The following TNS1 variants were observed in gnomAD, a reference collection of about 807,000 sequenced individuals.
TNS1 encodes the protein tensin 1.
A neutral mutation model predicts 168.6 loss-of-function variants in TNS1; 62 were observed. That is an observed-to-expected ratio of 0.37 (90% CI 0.30 to 0.45). The LOEUF (loss-of-function observed/expected upper bound fraction) is 0.45, where lower values mean the gene tolerates loss of function less well. TNS1 is among the 20% of genes least tolerant of loss of function. The pLI, the probability that TNS1 is intolerant of heterozygous loss-of-function variation, is 1.00. For missense variants in TNS1, 2,240 were observed against 2,339.4 expected, an observed-to-expected ratio of 0.96 and a Z score of 0.88; for synonymous variants, 934 against 933.2, an observed-to-expected ratio of 1.00 and a Z score of -0.02.
At chr2:217,861,710 T>C (rs1175044515) in intron 18 of TNS1, among the ~76,000 whole-genome samples, 6 of 152,250 alleles carry the variant, frequency 3.9e-5, no homozygotes, top group Non-Finnish European at 7.3e-5. Flanking sequence ...TACTAGTCAT[T>C]GTATCTCAGT....
chr2:217,887,000 G>C (rs370114549), intron 12 of TNS1, among the ~76,000 whole-genome samples: 2 of 152,084 alleles, frequency 1.3e-5, no homozygotes, highest in Non-Finnish European at 2.9e-5. Context: ...ATCCCTGACA[G>C]GCATCATTTA....
At chr2:217,924,467 A>G (rs999143886) in intron 3 of TNS1, among the ~76,000 whole-genome samples, 1 of 152,236 alleles carries the variant, frequency 6.6e-6, no homozygotes, top group East Asian at 1.9e-4. Flanking sequence ...TCATGAGGGC[A>G]GGAAGCACAT....
intron 1 of TNS1, among the ~76,000 whole-genome samples, chr2:218,015,891 G>A (rs368930432): frequency 6.6e-6 from 1 of 152,202 alleles, no homozygotes; most frequent in Non-Finnish European, 1.5e-5. Context: ...TTCCTTGCAG[G>A]GCCCAGCATG....
Position 217,848,318 on chromosome 2 carries a change from GTGGGAGGTGGTCAC to G in TNS1, c.2185_2198del (p.Val729LeufsTer4). 6.5e-7 allele frequency: 1 copy of G among 1,536,936 alleles called. No individual in the cohort carries two copies. Among genetic ancestry groups the G allele is most frequent in the Non-Finnish European group, 8.8e-7 (1 of 1,140,642 alleles). On this transcript the variant is annotated frameshift_variant, in exon 19 of 33. Transcript: ENST00000682258. LOFTEE classifies it high-confidence loss of function. ...ACATACCGCTGGGGTCATGGGCATAGTGGGAGGTGGTCACTGGCTGTGGCCAGGCTGGGTGGGGC... is the reference window on the plus strand; with the variant it reads ...ACATACCGCTGGGGTCATGGGCATAGTGGCTGTGGCCAGGCTGGGTGGGGC...
intron 18 of TNS1, chr2:217,850,519 G>A (rs1482361346): frequency 3.4e-5 from 33 of 984,194 alleles, no homozygotes; most frequent in African/African-American, 2.1e-4. Context: ...GAACTTCCCC[G>A]CCCAGAGGAA....
intron 18 of TNS1, among the ~76,000 whole-genome samples, chr2:217,877,676 G>A (rs1950311191): frequency 6.6e-6 from 1 of 151,854 alleles, no homozygotes; most frequent in Non-Finnish European, 1.5e-5. Flanking sequence ...GAGCTGGGTT[G>A]GGGGGCTGCA....
chr2:217,855,738 C>A (rs1398027610), intron 18 of TNS1, among the ~76,000 whole-genome samples: 1 of 152,070 alleles, frequency 6.6e-6, no homozygotes, highest in African/African-American at 2.4e-5. Context: ...ACCGAGTAGC[C>A]GAGAAAGCTT....
intron 18 of TNS1, chr2:217,850,305 A>G (rs1366371896): frequency 3.0e-6 from 3 of 985,208 alleles, no homozygotes; most frequent in East Asian, 2.3e-4. Context: ...GGGGGCATAT[A>G]GGGTGCTGAT....
intron 32 of TNS1, among the ~76,000 whole-genome samples, chr2:217,805,484 CCACACACA>C (rs758554993): frequency 5.4e-5 from 2 of 36,758 alleles, no homozygotes; most frequent in East Asian, 5.2e-4. Flanking sequence ...ACCACACACA[CCACACACA>C]CACCACACAC....
intron 3 of TNS1, among the ~76,000 whole-genome samples, chr2:217,923,567 G>A (rs1163136034): frequency 6.6e-6 from 1 of 152,186 alleles, no homozygotes; most frequent in African/African-American, 2.4e-5. Flanking sequence ...CTGGAGACAT[G>A]CTCTTGTCCT....
intron 1 of TNS1, among the ~76,000 whole-genome samples, chr2:218,022,511 C>T (rs1958814552): frequency 6.6e-6 from 1 of 152,178 alleles, no homozygotes; most frequent in South Asian, 2.1e-4. Flanking sequence ...TACACACACA[C>T]AGGCACACAC....
At chr2:217,974,400 GCCT>G (rs1252256704) in intron 3 of TNS1, among the ~76,000 whole-genome samples, 2 of 152,114 alleles carry the variant, frequency 1.3e-5, no homozygotes, top group Non-Finnish European at 2.9e-5. Context: ...CATCCCCTCA[GCCT>G]CTCCCCAGAA....
rs1367412257 is a variant in TNS1 at position 217,801,628 on chromosome 2, A to G, written c.*2831T>C. ...AGAAGAAGATAAACATTTACAAAAT[A>G]ATAATTAGTAAAAGTGCTTGCTTTT... On this transcript the variant is annotated 3_prime_UTR_variant, in exon 33 of 33. Transcript: ENST00000682258. 1 of 152,294 alleles carries G rather than the reference A, an allele frequency of 6.6e-6. No individual in the cohort carries two copies. Among genetic ancestry groups the G allele is most frequent in the Non-Finnish European group, 1.5e-5 (1 of 68,064 alleles). 9.4% of individuals were successfully genotyped at this position (152,294 alleles called of 1,614,324 possible).
intron 3 of TNS1, among the ~76,000 whole-genome samples, chr2:217,975,131 G>A (rs1957862792): frequency 6.6e-6 from 1 of 152,118 alleles, no homozygotes; most frequent in African/African-American, 2.4e-5. Flanking sequence ...GGTCCGTGTG[G>A]TGAGAAACTG....
At chr2:217,929,122 C>T (rs1298028307) in intron 3 of TNS1, among the ~76,000 whole-genome samples, 15 of 152,124 alleles carry the variant, frequency 9.9e-5, no homozygotes, top group Non-Finnish European at 1.5e-5. Flanking sequence ...GCTGTGGGAC[C>T]ATGGGCCTCC....
At chr2:217,885,264 T>C in intron 15 of TNS1, 100 bp from the exon 16 acceptor site, 1 of 1,536,348 alleles carries the variant, frequency 6.5e-7, no homozygotes. Context: ...CCCCCAAGGC[T>C]CACCCCAAAC....
rs1937846354 is a variant in TNS1, at chr2:217,803,695, C to A, written c.*764G>T. The A allele has an allele frequency of 6.5e-6, 1 of 152,700 alleles. No homozygotes were observed. The highest frequency in any genetic ancestry group is 1.5e-5 in the Non-Finnish European group (1 of 68,094). 9.5% of individuals were successfully genotyped at this position (152,700 alleles called of 1,614,324 possible). On this transcript the variant is annotated 3_prime_UTR_variant, in exon 33 of 33. Transcript: ENST00000682258. ...TGCAGGTGCAGGCACCAGGAGAGAG[C>A]CTCTGTCACCCATAGCTTGGTTGTT...
intron 18 of TNS1, among the ~76,000 whole-genome samples, chr2:217,853,149 C>T (rs1041652117): frequency 2.2e-4 from 33 of 152,068 alleles, no homozygotes; most frequent in African/African-American, 7.0e-4. Flanking sequence ...ACCGGGACCA[C>T]AAGAAGCCGG....
At chr2:218,006,376 C>T (rs954137781), upstream of TNS1, among the ~76,000 whole-genome samples, 2 of 152,200 alleles carry the variant, frequency 1.3e-5, no homozygotes, top group African/African-American at 4.8e-5. Flanking sequence ...TGCGATGACA[C>T]GAGTTTCCCA....
Sources: allele counts gnomAD v4.1 joint callset (sites outside exome capture counted in the v4.1 genomes callset), GRCh38; gene constraint gnomAD v4.1.1; transcripts MANE v1.5; gene names NCBI Gene and HGNC (gene_info 2026-07-23, HGNC 2026-07-21).